ARHGAP5: variants seen among roughly 807,000 people sequenced by gnomAD.
ARHGAP5 encodes the protein Rho GTPase activating protein 5, also known as rho GTPase-activating protein 5.
A neutral mutation model predicts 116.6 loss-of-function variants in ARHGAP5; 23 were observed. The observed-to-expected ratio is 0.20, with a 90% confidence interval of 0.14 to 0.28. The LOEUF (loss-of-function observed/expected upper bound fraction) is 0.28. Ranked by LOEUF, ARHGAP5 falls within the 10% of genes least tolerant of loss-of-function variation. The probability of loss-of-function intolerance (pLI) is 1.00; values close to 1 mark genes in which losing one functional copy is unlikely to be tolerated. For synonymous variants in ARHGAP5, 574 were observed against 602.0 expected, an observed-to-expected ratio of 0.95 and a Z score of 0.68; for missense variants, 1,405 against 1,774.8, an observed-to-expected ratio of 0.79 and a Z score of 3.74.
intron 1 of ARHGAP5, among the ~76,000 whole-genome samples, chr14:32,086,077 C>T (rs1006484348): frequency 3.3e-5 from 5 of 151,838 alleles, no homozygotes; most frequent in East Asian, 1.9e-4. Flanking sequence ...GAGTGGGATG[C>T]GGAGAGGGAT....
chr14:32,150,431 A>G (rs183525910), intron 5 of ARHGAP5, among the ~76,000 whole-genome samples: 1 of 152,300 alleles, frequency 6.6e-6, no homozygotes, highest in South Asian at 2.1e-4. Context: ...CAGACTGCAT[A>G]ATTTATAAAG....
chr14:32,143,224 G>GT (rs1427657144), intron 3 of ARHGAP5, among the ~76,000 whole-genome samples: 1 of 147,178 alleles, frequency 6.8e-6, no homozygotes, highest in Non-Finnish European at 1.5e-5. Context: ...TGTTGTTGTT[G>GT]TTGTTGTTGT....
At chr14:32,145,623 C>T (rs1336284390) in intron 3 of ARHGAP5, among the ~76,000 whole-genome samples, 1 of 152,118 alleles carries the variant, frequency 6.6e-6, no homozygotes, top group Non-Finnish European at 1.5e-5. Context: ...TGTCGTTCTT[C>T]AAGTTTCTAA....
chr14:32,153,398 C>A (rs1881739569), intron 6 of ARHGAP5, among the ~76,000 whole-genome samples: 1 of 51,790 alleles, frequency 1.9e-5, no homozygotes, highest in African/African-American at 7.3e-5. Context: ...CAGAGCAAGA[C>A]TCTGTCTCAA....
Position 32,157,311 on chromosome 14 carries a change from A to G in ARHGAP5, c.*2363A>G, listed in dbSNP as rs978119667. 1 of 152,168 alleles carries G rather than the reference A, an allele frequency of 6.6e-6. No individual in the cohort carries two copies. Among genetic ancestry groups the G allele is most frequent in the African/African-American group, 2.4e-5 (1 of 41,444 alleles). 9.4% of individuals were successfully genotyped at this position (152,168 alleles called of 1,614,324 possible). A position where few individuals can be genotyped will look rare whatever the true frequency, so the allele number is the denominator to read the frequency against. ...CATCTAAGAACAGAATAACATAATT[A>G]AACTTTTTTCTGGTAAGTTACTGGA... On this transcript the variant is annotated 3_prime_UTR_variant, in exon 7 of 7. Coordinates refer to ENST00000345122, the MANE Select transcript of ARHGAP5 (RefSeq NM_001030055.2).
intron 1 of ARHGAP5, among the ~76,000 whole-genome samples, chr14:32,088,306 C>T (rs574434571): frequency 6.6e-5 from 10 of 151,882 alleles, no homozygotes; most frequent in Non-Finnish European, 1.5e-4. Context: ...CCGAAGTAAT[C>T]ACCAGATAAG....
chr14:32,151,517 T>G (rs1881637693), intron 5 of ARHGAP5, among the ~76,000 whole-genome samples: 1 of 152,246 alleles, frequency 6.6e-6, no homozygotes, highest in Non-Finnish European at 1.5e-5. Context: ...CTATCGCCAG[T>G]TTTTGGCAGA....
chr14:32,089,741 A>C (rs2041865632), intron 1 of ARHGAP5, among the ~76,000 whole-genome samples: 1 of 151,854 alleles, frequency 6.6e-6, no homozygotes. Flanking sequence ...TGGCAGTTTT[A>C]AGTTTCTTGA....
At chr14:32,151,113 G>A (rs1434373392) in intron 5 of ARHGAP5, among the ~76,000 whole-genome samples, 3 of 151,950 alleles carry the variant, frequency 2.0e-5, no homozygotes, top group Non-Finnish European at 2.9e-5. Context: ...TTATATATAC[G>A]TACTCTCAGG....
intron 3 of ARHGAP5, among the ~76,000 whole-genome samples, chr14:32,123,115 AG>A (rs1412509128): frequency 6.6e-6 from 1 of 151,984 alleles, no homozygotes; most frequent in Non-Finnish European, 1.5e-5. Flanking sequence ...CAATACTTTA[AG>A]ATTATTCTCT....
chr14:32,096,491 AAGG>A (rs1878534062), intron 2 of ARHGAP5, among the ~76,000 whole-genome samples: 1 of 152,226 alleles, frequency 6.6e-6, no homozygotes, highest in Non-Finnish European at 1.5e-5. Flanking sequence ...ACTGAATAAA[AAGG>A]AGAACATAAT....
At chr14:32,080,126 G>A (rs1325827943) in intron 1 of ARHGAP5, among the ~76,000 whole-genome samples, 1 of 151,862 alleles carries the variant, frequency 6.6e-6, no homozygotes, top group Admixed American at 6.6e-5. Flanking sequence ...TAAGAAAAAT[G>A]CTTCAATGCT....
chr14:32,092,863 G>A lies in ARHGAP5; in HGVS notation c.2194G>A (p.Val732Ile). 1 of 1,613,998 alleles carries A rather than the reference G, an allele frequency of 6.2e-7. No individual in the cohort carries two copies. The highest frequency in any genetic ancestry group is 8.5e-7 in the Non-Finnish European group (1 of 1,179,930). ...CAAGTTGCAATGTCCTTTTGTAGAT[G>A]TACCTGCTGGTACATATCCTCGTAA... ...ANKLQCPFVD[V>I]PAGTYPRKFN... Residue 732 changes from valine (V) to isoleucine (I), a missense_variant, in exon 2 of 7, where the codon GTA (valine) becomes ATA (isoleucine). By Grantham distance (29) the Val-to-Ile change is conservative (BLOSUM62 3). Around this residue, in one of 6 missense-constraint regions of ARHGAP5, gnomAD observed 944 missense variants for 1,095.3 expected, o/e 0.86. Transcript: ENST00000345122. The surrounding 1 kb of genome is among the most constrained non-coding windows in gnomAD (Gnocchi z 4.1).
chr14:32,109,134 C>T (rs1426379202), intron 2 of ARHGAP5, among the ~76,000 whole-genome samples: 3 of 152,092 alleles, frequency 2.0e-5, no homozygotes, highest in African/African-American at 7.2e-5. Flanking sequence ...TTACTTAACT[C>T]TTTGGAGTCC....
chr14:32,097,659 A>C lies in ARHGAP5; in HGVS notation c.3717+3273A>C, dbSNP rs565436601. ...AAGAAAAGCATGAGTGCTGGAAAGG[A>C]AGAAACAAAATTGTCACTATTAGCT... On this transcript the variant is annotated intron_variant, in intron 2 of 6. Coordinates refer to ENST00000345122, the MANE Select transcript of ARHGAP5 (RefSeq NM_001030055.2). Among the ~76,000 whole-genome samples, 82 of 152,286 alleles carry C rather than the reference A, an allele frequency of 5.4e-4. 2 individuals are homozygous for C. The South Asian group carries it at 0.016, about 30-fold the overall frequency.
intron 1 of ARHGAP5, 116 bp downstream of exon 1, chr14:32,077,551 G>A (rs2041719917): frequency 1.8e-6 from 1 of 571,304 alleles, no homozygotes; most frequent in Non-Finnish European, 3.1e-6. Context: ...AGTTGAAGGG[G>A]CTGGGGCCCC....
rs963055843 is a variant in ARHGAP5, at chr14:32,155,181, A to G, written c.*233A>G. ...ATAAACAAAAATAGCTATAAAGTAC[A>G]AAGCTGCTGCTGCATGCAACCTTAT... On this transcript the variant is annotated 3_prime_UTR_variant, in exon 7 of 7. Coordinates refer to ENST00000345122, the MANE Select transcript of ARHGAP5 (RefSeq NM_001030055.2). 12 of 458,288 alleles carry G rather than the reference A, an allele frequency of 2.6e-5. No individual in the cohort carries two copies. The highest frequency in any genetic ancestry group is 7.3e-5 in the Admixed American group (2 of 27,234). 28.4% of individuals were successfully genotyped at this position (458,288 alleles called of 1,614,324 possible).
chr14:32,110,040 G>A (rs1279395152), intron 2 of ARHGAP5, among the ~76,000 whole-genome samples: 7 of 152,062 alleles, frequency 4.6e-5, no homozygotes, highest in African/African-American at 1.4e-4. Flanking sequence ...TAGTAAGGTC[G>A]TTTAATCTAC....
Position 32,117,243 on chromosome 14 carries a change from T to C in ARHGAP5, c.3821T>C (p.Ile1274Thr), listed in dbSNP as rs575889737. ...LQDLVTAEKP[I>T]PLFVEKCVEF... ...GATCTGGTTACAGCTGAGAAGCCCATACCACTATTTGTTGAGAAATGTGTG... is the reference window on the plus strand; with the variant it reads ...GATCTGGTTACAGCTGAGAAGCCCACACCACTATTTGTTGAGAAATGTGTG... Residue 1274 changes from isoleucine to threonine, a missense_variant, in exon 3 of 7, where the codon ATA becomes ACA. Coordinates refer to ENST00000345122, the MANE Select transcript of ARHGAP5 (RefSeq NM_001030055.2). The C allele has an allele frequency of 1.2e-6, 2 of 1,610,034 alleles. No homozygotes were observed. Among genetic ancestry groups the C allele is most frequent in the Non-Finnish European group, 1.7e-6 (2 of 1,177,640 alleles).
Sources: gnomAD v4.1 joint callset for allele counts (sites outside exome capture counted in the v4.1 genomes callset) on GRCh38, gnomAD v4.1.1 for gene constraint, gnomAD v4.1.1 regional missense constraint, Gnocchi (gnomAD v3.1) non-coding constraint, MANE v1.5 for transcripts, NCBI Gene and HGNC (gene_info 2026-07-23, HGNC 2026-07-21) for gene names.